CNTN1: variants seen among roughly 807,000 people sequenced by gnomAD.
CNTN1 encodes contactin-1.
CNTN1 carries 38 observed loss-of-function variants against 126.4 expected under a neutral mutation model. The observed-to-expected ratio is 0.30, with a 90% CI of 0.23 to 0.39. The LOEUF is 0.39. CNTN1 is among the 10% of genes least tolerant of loss of function. The probability of loss-of-function intolerance (pLI) is 1.00; values close to 1 mark genes in which losing one functional copy is unlikely to be tolerated. For missense variants in CNTN1, 1,009 were observed against 1,248.4 expected (o/e 0.81, Z 2.89); for synonymous variants, 413 against 422.6 (o/e 0.98, Z 0.28).
chr12:41,053,428 A>AATAT (rs66808071), intron 23 of CNTN1, among the ~76,000 whole-genome samples: 1,653 of 64,022 alleles, frequency 0.026, 47 homozygotes, highest in Non-Finnish European at 0.026. Flanking sequence ...GTTTTCACTA[A>AATAT]ATATATATAT....
At chr12:41,012,419 C>A (rs1443650886) in intron 17 of CNTN1, among the ~76,000 whole-genome samples, 3 of 152,174 alleles carry the variant, frequency 2.0e-5, no homozygotes. Flanking sequence ...AGAGTTATGA[C>A]AGTTGCCAAC....
At chr12:40,743,629 C>A (rs1938041468) in intron 1 of CNTN1, among the ~76,000 whole-genome samples, 2 of 151,998 alleles carry the variant, frequency 1.3e-5, no homozygotes, top group South Asian at 4.1e-4. Context: ...ATGTCCTTTG[C>A]CCACTTTGTA....
intron 23 of CNTN1, among the ~76,000 whole-genome samples, chr12:41,060,214 G>T (rs1949910588): frequency 1.3e-5 from 2 of 152,094 alleles, no homozygotes; most frequent in Admixed American, 1.3e-4. Flanking sequence ...AATAGAACGA[G>T]CAATTTTTGT....
chr12:40,783,997 A>C (rs183641012), intron 1 of CNTN1, among the ~76,000 whole-genome samples: 1 of 152,280 alleles, frequency 6.6e-6, no homozygotes, highest in African/African-American at 2.4e-5. Context: ...AAAAATAGAT[A>C]TTCTCTTCAA....
intron 1 of CNTN1, among the ~76,000 whole-genome samples, chr12:40,899,538 T>A (rs1229483661): frequency 1.3e-5 from 2 of 152,190 alleles, no homozygotes; most frequent in African/African-American, 4.8e-5. Flanking sequence ...AGACAGACTA[T>A]TAAATATCAT....
chr12:40,818,161 G>A (rs1430865100), intron 1 of CNTN1, among the ~76,000 whole-genome samples: 1 of 152,096 alleles, frequency 6.6e-6, no homozygotes, highest in East Asian at 1.9e-4. Flanking sequence ...TCTTCTCATG[G>A]AGTGTCATCT....
intron 1 of CNTN1, among the ~76,000 whole-genome samples, chr12:40,875,311 T>G (rs886270039): frequency 6.6e-6 from 1 of 152,088 alleles, no homozygotes; most frequent in African/African-American, 2.4e-5. Flanking sequence ...AAACATCACA[T>G]CCAGGATTGA....
At chr12:40,997,388 A>G (rs569118921) in intron 17 of CNTN1, among the ~76,000 whole-genome samples, 6 of 152,350 alleles carry the variant, frequency 3.9e-5, no homozygotes, top group East Asian at 1.9e-4. Context: ...CATATTATGT[A>G]TAAAGCCTTG....
At chr12:40,907,240 G>T (rs2136803633) in intron 1 of CNTN1, among the ~76,000 whole-genome samples, 1 of 152,202 alleles carries the variant, frequency 6.6e-6, no homozygotes, top group South Asian at 2.1e-4. Flanking sequence ...CCGCAGGAAG[G>T]CCCATTCCCA....
rs563606897 is a variant in CNTN1, at chr12:40,776,503, T to C, written c.-77+83911T>C. Among the ~76,000 whole-genome samples the C allele has an allele frequency of 2.0e-5, 3 of 151,828 alleles. No individual in the cohort carries two copies. The South Asian group carries it at 6.2e-4, about 32-fold the overall frequency. On this transcript the variant is annotated intron_variant, in intron 1 of 23. Coordinates refer to ENST00000551295, the MANE Select transcript of CNTN1 (RefSeq NM_001843.4). ...GAAATACTGTGGGGTCAATTACTCA[T>C]GCCTCATTTTTATATTTTGAATTGC... is the stretch of plus-strand genomic sequence containing the variant.
chr12:40,705,873 G>A (rs1032480129), intron 1 of CNTN1, among the ~76,000 whole-genome samples: 3 of 152,148 alleles, frequency 2.0e-5, no homozygotes, highest in Non-Finnish European at 2.9e-5. Flanking sequence ...GCAGGATCAA[G>A]AGAGAGTGGC....
At chr12:40,955,619 A>T (rs1946848726) in intron 14 of CNTN1, among the ~76,000 whole-genome samples, 1 of 152,110 alleles carries the variant, frequency 6.6e-6, no homozygotes, top group South Asian at 2.1e-4. Context: ...TAATGTATCT[A>T]TTCAATATTT....
At chr12:41,064,529 G>T (rs1462428637) in intron 23 of CNTN1, among the ~76,000 whole-genome samples, 1 of 152,240 alleles carries the variant, frequency 6.6e-6, no homozygotes, top group Non-Finnish European at 1.5e-5. Context: ...TATTAATCAT[G>T]CATTTCTGAA....
chr12:40,875,663 A>G (rs537693340), intron 1 of CNTN1, among the ~76,000 whole-genome samples: 2 of 152,186 alleles, frequency 1.3e-5, no homozygotes, highest in African/African-American at 4.8e-5. Flanking sequence ...TTCTCTGCAG[A>G]TTCATCTAGG....
At chr12:40,919,029 TATAA>T (rs1267199217) in intron 4 of CNTN1, among the ~76,000 whole-genome samples, 1 of 152,192 alleles carries the variant, frequency 6.6e-6, no homozygotes, top group African/African-American at 2.4e-5. Context: ...TTATAAATTG[TATAA>T]TGGAAATCAT....
intron 17 of CNTN1, among the ~76,000 whole-genome samples, chr12:41,006,470 T>C (rs1214407936): frequency 1.3e-5 from 2 of 152,220 alleles, no homozygotes; most frequent in Admixed American, 6.5e-5. Context: ...GGCTGGGTAC[T>C]GGTGGGAAAA....
chr12:40,711,239 C>G (rs1176554593), intron 1 of CNTN1, among the ~76,000 whole-genome samples: 1 of 152,142 alleles, frequency 6.6e-6, no homozygotes, highest in Non-Finnish European at 1.5e-5. Context: ...CTAGAATTCT[C>G]CTGCCTTCAA....
At chr12:40,873,450 AT>A (rs1943572664) in intron 1 of CNTN1, among the ~76,000 whole-genome samples, 1 of 152,196 alleles carries the variant, frequency 6.6e-6, no homozygotes, top group African/African-American at 2.4e-5. Flanking sequence ...GCTTTTGATT[AT>A]AACACATGTA....
rs1566234514 is a variant in CNTN1, at chr12:41,056,971, A to AT, written c.2981-12988_2981-12987insT. Among the ~76,000 whole-genome samples, 187 of 80,384 alleles carry AT rather than the reference A, an allele frequency of 2.3e-3. 5 individuals carry two copies. Among genetic ancestry groups the AT allele is most frequent in the East Asian group, 7.3e-3 (21 of 2,872 alleles). 52.7% of individuals were successfully genotyped at this position (80,384 alleles called of 152,430 possible). ...ATATTTAGATATTTATAAATATTATAAATATTTAGATATTTATAAATATTA... is the reference window on the plus strand; with the variant it reads ...ATATTTAGATATTTATAAATATTATATAATATTTAGATATTTATAAATATTA... On this transcript the variant is annotated intron_variant, in intron 23 of 23. Coordinates refer to ENST00000551295, the MANE Select transcript of CNTN1 (RefSeq NM_001843.4).
Sources: allele counts gnomAD v4.1 joint callset (sites outside exome capture counted in the v4.1 genomes callset), GRCh38; gene constraint gnomAD v4.1.1; transcripts MANE v1.5; gene names NCBI Gene and HGNC (gene_info 2026-07-23, HGNC 2026-07-21).